Variants in CPEB1 observed in about 807,000 individuals in gnomAD.
CPEB1 encodes the protein cytoplasmic polyadenylation element binding protein 1.
A neutral mutation model predicts 65.8 loss-of-function variants in CPEB1; 7 were observed. The observed-to-expected ratio is 0.11, with a 90% confidence interval of 0.06 to 0.20. The LOEUF (loss-of-function observed/expected upper bound fraction) is 0.20. Ranked by LOEUF, CPEB1 falls within the 10% of genes least tolerant of loss-of-function variation. CPEB1 has a pLI of 1.00. For synonymous variants in CPEB1, 262 were observed against 260.0 expected, an observed-to-expected ratio of 1.01 and a Z score of -0.08; for missense variants, 551 against 712.2, an observed-to-expected ratio of 0.77 and a Z score of 2.58.
intron 3 of CPEB1, among the ~76,000 whole-genome samples, chr15:82,583,780 A>T (rs769348708): frequency 2.6e-5 from 4 of 152,218 alleles, no homozygotes; most frequent in Non-Finnish European, 5.9e-5. Context: ...CAGTCTGCTA[A>T]AACCAATAAA....
At chr15:82,612,323 C>T (rs942325925) in intron 3 of CPEB1, among the ~76,000 whole-genome samples, 16 of 151,632 alleles carry the variant, frequency 1.1e-4, no homozygotes, top group Non-Finnish European at 1.9e-4. Context: ...ATGGTGAAAC[C>T]CCATCTCTAC....
At chr15:82,628,946 G>A (rs974703110) in intron 1 of CPEB1, 5 of 158,280 alleles carry the variant, frequency 3.2e-5, no homozygotes, top group Non-Finnish European at 4.2e-5. Flanking sequence ...TAAGGCTTCC[G>A]GTCAACAGCA....
chr15:82,606,338 G>C (rs960874089), intron 3 of CPEB1, among the ~76,000 whole-genome samples: 1 of 151,872 alleles, frequency 6.6e-6, no homozygotes, highest in Non-Finnish European at 1.5e-5. Context: ...CGGGCATGGT[G>C]ATGGGTACCT....
chr15:82,633,041 T>C (rs1024086131), intron 1 of CPEB1: 1 of 152,232 alleles, frequency 6.6e-6, no homozygotes, highest in East Asian at 1.9e-4. Flanking sequence ...TGACAGTTCC[T>C]GCCCTTATTT....
chr15:82,579,529 T>G (rs1567197730), intron 3 of CPEB1, among the ~76,000 whole-genome samples: 1 of 152,214 alleles, frequency 6.6e-6, no homozygotes, highest in African/African-American at 2.4e-5. Flanking sequence ...ACAATCATCA[T>G]TATCACCTTT....
intron 3 of CPEB1, among the ~76,000 whole-genome samples, chr15:82,591,860 T>A (rs1019687297): frequency 9.3e-5 from 14 of 151,002 alleles, no homozygotes; most frequent in Admixed American, 3.3e-4. Flanking sequence ...TTTTTTTTTT[T>A]AAGACAGGGT....
At chr15:82,566,089 C>G (rs1206325510) in intron 4 of CPEB1, among the ~76,000 whole-genome samples, 1 of 152,168 alleles carries the variant, frequency 6.6e-6, no homozygotes, top group Non-Finnish European at 1.5e-5. Context: ...GGTTTTACAG[C>G]TGAGTCACTG....
chr15:82,618,574 G>A (rs1437290111), intron 3 of CPEB1, among the ~76,000 whole-genome samples: 1 of 152,028 alleles, frequency 6.6e-6, no homozygotes, highest in Non-Finnish European at 1.5e-5. Context: ...CTATTTGGGA[G>A]ACAGGTTACC....
In CPEB1 at chr15:82,627,239, T is replaced by G; in HGVS notation, c.225A>C (p.Arg75Ser). 1 of 1,613,850 alleles carries G rather than the reference T, an allele frequency of 6.2e-7. No homozygotes were observed. Among genetic ancestry groups the G allele is most frequent in the Non-Finnish European group, 8.5e-7 (1 of 1,179,802 alleles). ...CTCGGTTTATAGGTGTAGTGCAGAC[T>G]CTACTGAAATCCAGAGAATTATCCA... ...AILDNSLDFS[R>S]VCTTPINRGI... The change falls in exon 3 of 13, where the codon AGA becomes AGC. Residue 75 changes from arginine (R) to serine (S), a missense_variant. Coordinates refer to ENST00000684509, the MANE Select transcript of CPEB1 (RefSeq NM_001365242.1).
chr15:82,560,598 G>A (rs1291842108), intron 4 of CPEB1, among the ~76,000 whole-genome samples: 1 of 151,508 alleles, frequency 6.6e-6, no homozygotes, highest in South Asian at 2.1e-4. Context: ...CATCTATGTT[G>A]CCCAGGCTGG....
intron 1 of CPEB1, among the ~76,000 whole-genome samples, chr15:82,642,614 T>C (rs185835284): frequency 1.8e-3 from 280 of 152,282 alleles, no homozygotes; most frequent in Middle Eastern, 6.8e-3. Flanking sequence ...TCAGTGCTTC[T>C]GGGTCTTAAT....
intron 3 of CPEB1, among the ~76,000 whole-genome samples, chr15:82,585,774 C>T (rs1465465338): frequency 6.6e-6 from 1 of 152,128 alleles, no homozygotes; most frequent in Non-Finnish European, 1.5e-5. Context: ...GTCCTCAATC[C>T]TACTCTCTTC....
At chr15:82,552,259 C>G (rs988596395) in intron 9 of CPEB1, among the ~76,000 whole-genome samples, 16 of 149,022 alleles carry the variant, frequency 1.1e-4, no homozygotes, top group African/African-American at 4.0e-4. Flanking sequence ...CAGGCATGCG[C>G]ATGTGTGCAT....
chr15:82,549,086 C>T (rs775259718), intron 10 of CPEB1, among the ~76,000 whole-genome samples: 1 of 152,344 alleles, frequency 6.6e-6, no homozygotes, highest in Middle Eastern at 3.4e-3. Context: ...TTTTCAAGAA[C>T]TTTTAATAAA....
chr15:82,544,580 A>T lies in CPEB1; in HGVS notation c.*12T>A, dbSNP rs1015096628. 6.2e-6 allele frequency: 10 copies of T among 1,608,808 alleles called. No homozygotes were observed. The Admixed American group carries it at 1.7e-4, about 27-fold the overall frequency. The stretch of plus-strand genomic sequence containing the variant: ...TTTGGGCGCCACAGGCCACTGGGCA[A>T]GGCCAGCTCCTCTAGCTGGAATCTC... On this transcript the variant is annotated 3_prime_UTR_variant, in exon 13 of 13. Coordinates refer to ENST00000684509, the MANE Select transcript of CPEB1 (RefSeq NM_001365242.1).
chr15:82,589,257 T>C (rs947797143), intron 3 of CPEB1, among the ~76,000 whole-genome samples: 3 of 152,254 alleles, frequency 2.0e-5, no homozygotes, highest in East Asian at 1.9e-4. Flanking sequence ...TTCTGCTTAA[T>C]ACTCCTGCTC....
rs35946080 is a variant in CPEB1 at position 82,544,272 on chromosome 15, G to GTTTTT, written c.*315_*319dup. The stretch of plus-strand genomic sequence containing the variant: ...TACCTCAATACCTTCTGGACACGTA[G>GTTTTT]TTTTTTTTTTTTTTTTTTTTTTCCC... On this transcript the variant is annotated 3_prime_UTR_variant, in exon 13 of 13. Transcript: ENST00000684509. The GTTTTT allele has an allele frequency of 3.1e-4, 41 of 131,128 alleles. No individual in the cohort carries two copies. The highest frequency in any genetic ancestry group is 5.5e-4 in the Admixed American group (7 of 12,688). 8.1% of individuals were successfully genotyped at this position (131,128 alleles called of 1,614,324 possible). A position where few individuals can be genotyped will look rare whatever the true frequency, so the allele number is the denominator to read the frequency against.
At chr15:82,592,577 CAAAAAAA>C (rs71453399) in intron 3 of CPEB1, among the ~76,000 whole-genome samples, 2 of 85,438 alleles carry the variant, frequency 2.3e-5, no homozygotes, top group South Asian at 3.9e-4. Flanking sequence ...GATATTGTCT[CAAAAAAA>C]AAAAAAAAAA....
intron 3 of CPEB1, among the ~76,000 whole-genome samples, chr15:82,583,121 G>A (rs1322718327): frequency 6.6e-6 from 1 of 151,960 alleles, no homozygotes; most frequent in East Asian, 1.9e-4. Flanking sequence ...CTAAGATTTC[G>A]CTGCTATGTG....
Sources: allele counts gnomAD v4.1 joint callset (sites outside exome capture counted in the v4.1 genomes callset), GRCh38; gene constraint gnomAD v4.1.1; transcripts MANE v1.5; gene names NCBI Gene and HGNC (gene_info 2026-07-23, HGNC 2026-07-21).